Variants in ZNF804B observed in about 807,000 individuals in gnomAD.
ZNF804B encodes the protein zinc finger protein 804B, also known as zinc finger 804B.
ZNF804B carries 80 observed loss-of-function variants against 101.4 expected under a neutral mutation model. The ratio of observed to expected loss-of-function variants is 0.79; its 90% CI spans 0.66 to 0.95. ZNF804B has a LOEUF of 0.95. Among genes scored for constraint, ZNF804B ranks in the 40% least tolerant of loss-of-function variants. The pLI, the probability that ZNF804B is intolerant of heterozygous loss-of-function variation, is 0.00. For synonymous variants in ZNF804B, 622 were observed against 558.8 expected (o/e 1.11, Z -1.59); for missense variants, 1,673 against 1,561.9 (o/e 1.07, Z -1.20).
intron 1 of ZNF804B, among the ~76,000 whole-genome samples, chr7:89,036,596 T>G (rs1788931897): frequency 6.6e-6 from 1 of 152,162 alleles, no homozygotes; most frequent in Admixed American, 6.6e-5. Context: ...ACTATGTTTC[T>G]TTTATCAACT....
At position 88,986,079 on chromosome 7, in the gene ZNF804B, G is replaced by A. The variant is rs951942746; in HGVS notation, c.108+225995G>A. Among the ~76,000 whole-genome samples the A allele has an allele frequency of 2.6e-5, 4 of 152,000 alleles. No individual in the cohort carries two copies. The East Asian group carries it at 5.8e-4, about 22-fold the overall frequency. On this transcript the variant is annotated intron_variant, in intron 1 of 3. Transcript: ENST00000333190. The stretch of plus-strand genomic sequence containing the variant: ...GCTAGCAGGAGATCTGCAAATTCTG[G>A]CAAACATAAAGGCTTTGATGGCCAT...
intron 1 of ZNF804B, among the ~76,000 whole-genome samples, chr7:88,878,428 A>G (rs1791983095): frequency 6.6e-6 from 1 of 152,144 alleles, no homozygotes; most frequent in South Asian, 2.1e-4. Flanking sequence ...CTCAATTTTA[A>G]TTTTATAGAG....
At chr7:88,867,250 T>C (rs1791740165) in intron 1 of ZNF804B, among the ~76,000 whole-genome samples, 1 of 152,014 alleles carries the variant, frequency 6.6e-6, no homozygotes, top group Non-Finnish European at 1.5e-5. Context: ...GACTGAGAAG[T>C]CTCATGATAG....
chr7:88,799,095 G>T (rs1790537555), intron 1 of ZNF804B, among the ~76,000 whole-genome samples: 1 of 151,946 alleles, frequency 6.6e-6, no homozygotes, highest in Non-Finnish European at 1.5e-5. Flanking sequence ...GCATATACTT[G>T]TAACTCGTGT....
At chr7:89,327,825 G>A (rs976514185) in intron 3 of ZNF804B, among the ~76,000 whole-genome samples, 2 of 147,726 alleles carry the variant, frequency 1.4e-5, no homozygotes, top group Non-Finnish European at 3.0e-5. Context: ...ATCTTAGGGG[G>A]TGGGGAATAA....
At chr7:89,236,162 C>G (rs991325182) in intron 2 of ZNF804B, among the ~76,000 whole-genome samples, 7 of 152,032 alleles carry the variant, frequency 4.6e-5, no homozygotes, top group Non-Finnish European at 7.4e-5. Flanking sequence ...TTAGCTCCTA[C>G]CATTTGCAAA....
At chr7:89,210,299 A>C (rs550959013) in intron 1 of ZNF804B, among the ~76,000 whole-genome samples, 1 of 152,192 alleles carries the variant, frequency 6.6e-6, no homozygotes, top group Admixed American at 6.5e-5. Context: ...ACTCCTGAAA[A>C]CCCTAATTAT....
chr7:89,176,237 GC>G (rs1367923429), intron 1 of ZNF804B, among the ~76,000 whole-genome samples: 1 of 152,056 alleles, frequency 6.6e-6, no homozygotes, highest in East Asian at 1.9e-4. Flanking sequence ...GTCATATACA[GC>G]TTTTATTGTG....
At chr7:88,863,633 T>A (rs1425579217) in intron 1 of ZNF804B, among the ~76,000 whole-genome samples, 1 of 152,192 alleles carries the variant, frequency 6.6e-6, no homozygotes, top group African/African-American at 2.4e-5. Context: ...CAAGGTGATT[T>A]GGTAAAAAGC....
intron 1 of ZNF804B, among the ~76,000 whole-genome samples, chr7:88,976,793 G>A (rs1292571974): frequency 1.3e-5 from 2 of 151,548 alleles, no homozygotes; most frequent in Non-Finnish European, 3.0e-5. Flanking sequence ...GGATAAAAAT[G>A]GGCATCTGTT....
At chr7:89,198,243 T>G (rs986389538) in intron 1 of ZNF804B, among the ~76,000 whole-genome samples, 3 of 151,936 alleles carry the variant, frequency 2.0e-5, no homozygotes, top group Non-Finnish European at 2.9e-5. Flanking sequence ...TTTTTAAAGC[T>G]TTTAACTATT....
Position 88,845,279 on chromosome 7 carries a change from GCA to G in ZNF804B, c.108+85197_108+85198del, listed in dbSNP as rs1353420793. Among the ~76,000 whole-genome samples the G allele has an allele frequency of 9.7e-5, 13 of 133,804 alleles. No homozygotes were observed. The East Asian group carries it at 1.2e-3, about 13-fold the overall frequency. The allele number at this position is 133,804 out of a possible 152,430, so 87.8% of individuals were successfully genotyped here. On this transcript the variant is annotated intron_variant, in intron 1 of 3. Transcript: ENST00000333190. ...AGCACACACATATGCGCATGTGTGC[GCA>G]CGCGCGCGCGCACGCGCGCGCACAC...
chr7:89,034,891 T>C (rs1788901514), intron 1 of ZNF804B, among the ~76,000 whole-genome samples: 1 of 152,176 alleles, frequency 6.6e-6, no homozygotes, highest in South Asian at 2.1e-4. Context: ...TTCCTGTTTC[T>C]CCACATCCTC....
At chr7:89,079,518 CACTT>C (rs956166483) in intron 1 of ZNF804B, among the ~76,000 whole-genome samples, 2 of 152,048 alleles carry the variant, frequency 1.3e-5, no homozygotes, top group Non-Finnish European at 1.5e-5. Flanking sequence ...ACCTGTTAAA[CACTT>C]ACTCTCTGCA....
intron 2 of ZNF804B, among the ~76,000 whole-genome samples, chr7:89,301,885 C>T (rs1384577138): frequency 2.0e-5 from 3 of 151,742 alleles, no homozygotes; most frequent in Non-Finnish European, 4.4e-5. Context: ...TAAATAAGAT[C>T]TTACCTGCAA....
At position 88,901,006 on chromosome 7, in the gene ZNF804B, A is replaced by G. The variant is rs543318456; in HGVS notation, c.108+140922A>G. 2.1e-4 allele frequency among the ~76,000 whole-genome samples: 32 copies of G among 151,890 alleles called. No individual in the cohort carries two copies. The East Asian group carries it at 3.1e-3, about 15-fold the overall frequency. On this transcript the variant is annotated intron_variant, in intron 1 of 3. Coordinates refer to ENST00000333190, the MANE Select transcript of ZNF804B (RefSeq NM_181646.5). Reference sequence around the variant, plus strand: ...AGTGACCTCCTATTTTCAATATAGCATTTATATACTCTATTTTAATTTGCT... The same window carrying G: ...AGTGACCTCCTATTTTCAATATAGCGTTTATATACTCTATTTTAATTTGCT...
At chr7:89,012,085 C>T (rs1362395706) in intron 1 of ZNF804B, among the ~76,000 whole-genome samples, 2 of 152,190 alleles carry the variant, frequency 1.3e-5, no homozygotes, top group African/African-American at 2.4e-5. Context: ...TGTACTCACA[C>T]TTTCAATAAC....
intron 1 of ZNF804B, among the ~76,000 whole-genome samples, chr7:88,966,988 A>G (rs1400423670): frequency 6.7e-6 from 1 of 150,170 alleles, no homozygotes; most frequent in Non-Finnish European, 1.5e-5. Context: ...CAAGTGTAAT[A>G]CACCAGTCCA....
chr7:89,095,883 A>G (rs1407618417), intron 1 of ZNF804B, among the ~76,000 whole-genome samples: 1 of 152,050 alleles, frequency 6.6e-6, no homozygotes, highest in Non-Finnish European at 1.5e-5. Context: ...TTTGAAAATC[A>G]ACTCACGCCT....
Sources: gnomAD v4.1 joint callset for allele counts (sites outside exome capture counted in the v4.1 genomes callset) on GRCh38, gnomAD v4.1.1 for gene constraint, MANE v1.5 for transcripts, NCBI Gene and HGNC (gene_info 2026-07-23, HGNC 2026-07-21) for gene names.